Variants in AGBL4 observed in about 807,000 individuals in gnomAD.
AGBL4 encodes the protein AGBL carboxypeptidase 4.
A neutral mutation model predicts 66.4 loss-of-function variants in AGBL4; 58 were observed. That is an observed-to-expected ratio of 0.87 (90% CI 0.71 to 1.09). AGBL4 has a LOEUF of 1.09. Among genes scored for constraint, AGBL4 ranks in the 50% least tolerant of loss-of-function variants. The pLI, the probability that AGBL4 is intolerant of heterozygous loss-of-function variation, is 0.00. For synonymous variants in AGBL4, 234 were observed against 222.9 expected, an observed-to-expected ratio of 1.05 and a Z score of -0.44; for missense variants, 579 against 631.0, an observed-to-expected ratio of 0.92 and a Z score of 0.88.
chr1:48,642,029 T>C (rs1446747476), intron 8 of AGBL4, among the ~76,000 whole-genome samples: 2 of 152,110 alleles, frequency 1.3e-5, no homozygotes, highest in Non-Finnish European at 2.9e-5. Flanking sequence ...TCAGGTGCCA[T>C]TTCTGGGTGG....
chr1:49,019,227 G>A (rs1663057731), intron 5 of AGBL4, among the ~76,000 whole-genome samples: 1 of 152,146 alleles, frequency 6.6e-6, no homozygotes, highest in Non-Finnish European at 1.5e-5. Context: ...CGGGTTATAT[G>A]CCATACGAAG....
chr1:49,742,154 A>G (rs1364285598), intron 2 of AGBL4, among the ~76,000 whole-genome samples: 5 of 152,146 alleles, frequency 3.3e-5, no homozygotes, highest in Admixed American at 2.0e-4. Flanking sequence ...AGAAAACCCC[A>G]TTGTCTCAGC....
chr1:48,811,083 A>G (rs1392013286), intron 6 of AGBL4, among the ~76,000 whole-genome samples: 1 of 149,702 alleles, frequency 6.7e-6, no homozygotes, highest in East Asian at 2.0e-4. Context: ...CATGTGGCAC[A>G]GCATTCCTCT....
intron 6 of AGBL4, among the ~76,000 whole-genome samples, chr1:48,734,252 C>T (rs1252830977): frequency 1.3e-5 from 2 of 152,192 alleles, no homozygotes; most frequent in African/African-American, 2.4e-5. Flanking sequence ...AGACCAGAGT[C>T]GGCGGGTGTG....
At chr1:49,491,581 CTG>C (rs1160315671) in intron 3 of AGBL4, among the ~76,000 whole-genome samples, 1 of 151,836 alleles carries the variant, frequency 6.6e-6, no homozygotes, top group African/African-American at 2.4e-5. Flanking sequence ...ACTCAGGAGA[CTG>C]TGGGTATATG....
chr1:49,441,248 C>T (rs1646022761), intron 3 of AGBL4, among the ~76,000 whole-genome samples: 1 of 152,052 alleles, frequency 6.6e-6, no homozygotes, highest in South Asian at 2.1e-4. Flanking sequence ...ATCTGGAGAA[C>T]AGGCATGGGA....
intron 3 of AGBL4, among the ~76,000 whole-genome samples, chr1:49,517,486 G>A (rs924064864): frequency 2.6e-5 from 4 of 151,926 alleles, no homozygotes; most frequent in Non-Finnish European, 4.4e-5. Flanking sequence ...TTCAGTGACA[G>A]AAGAATGAGG....
intron 3 of AGBL4, among the ~76,000 whole-genome samples, chr1:49,667,365 G>T (rs1378538339): frequency 6.6e-6 from 1 of 152,088 alleles, no homozygotes; most frequent in Non-Finnish European, 1.5e-5. Flanking sequence ...GGCTGAGGTG[G>T]GAGGATCACC....
chr1:49,069,034 G>A (rs1370779555), intron 4 of AGBL4, among the ~76,000 whole-genome samples: 3 of 152,136 alleles, frequency 2.0e-5, no homozygotes, highest in African/African-American at 7.2e-5. Flanking sequence ...GTCTTCTTTT[G>A]AGAAGTGTCT....
chr1:49,389,422 A>G (rs1644802059), intron 3 of AGBL4, among the ~76,000 whole-genome samples: 1 of 152,122 alleles, frequency 6.6e-6, no homozygotes, highest in Admixed American at 6.6e-5. Flanking sequence ...CCTGAAAACT[A>G]AGTACTATTA....
intron 3 of AGBL4, among the ~76,000 whole-genome samples, chr1:49,309,225 A>G (rs1644902045): frequency 6.6e-6 from 1 of 152,078 alleles, no homozygotes; most frequent in African/African-American, 2.4e-5. Context: ...ACACTGTTCT[A>G]CTGTTGATGG....
chr1:49,184,627 C>T (rs548607744), intron 4 of AGBL4, among the ~76,000 whole-genome samples: 1 of 152,300 alleles, frequency 6.6e-6, no homozygotes, highest in African/African-American at 2.4e-5. Flanking sequence ...AAGTCAGGTG[C>T]CATTGCTATG....
At chr1:49,377,709 C>T (rs1426540675) in intron 3 of AGBL4, among the ~76,000 whole-genome samples, 1 of 151,980 alleles carries the variant, frequency 6.6e-6, no homozygotes, top group African/African-American at 2.4e-5. Context: ...TTCCTGAGCC[C>T]CAAATACTAA....
intron 9 of AGBL4, among the ~76,000 whole-genome samples, chr1:48,630,134 A>G (rs1050364063): frequency 6.6e-6 from 1 of 152,178 alleles, no homozygotes; most frequent in African/African-American, 2.4e-5. Flanking sequence ...AGAATGAAAC[A>G]CTATGTCTCA....
chr1:49,157,964 T>C (rs906294361), intron 4 of AGBL4, among the ~76,000 whole-genome samples: 2 of 152,190 alleles, frequency 1.3e-5, no homozygotes, highest in African/African-American at 4.8e-5. Flanking sequence ...AAGTTCTTTG[T>C]AGATTCTGGA....
chr1:49,588,536 G>A (rs1295335212), intron 3 of AGBL4, among the ~76,000 whole-genome samples: 1 of 152,154 alleles, frequency 6.6e-6, no homozygotes, highest in Non-Finnish European at 1.5e-5. Flanking sequence ...CTACATTCTG[G>A]AAGCAATACT....
chr1:48,910,657 C>T lies in AGBL4; in HGVS notation c.595-43427G>A, dbSNP rs540865076. ...TGACAGTTCTGACAGGCTTTTTTTT[C>T]TTTTCCCTTCAGTAAACTGCCCGTG... On this transcript the variant is annotated intron_variant, in intron 5 of 13. Coordinates refer to ENST00000371839, the MANE Select transcript of AGBL4 (RefSeq NM_032785.4). 6.8e-3 allele frequency among the ~76,000 whole-genome samples: 775 copies of T among 114,726 alleles called. 9 individuals are homozygous for T. Among genetic ancestry groups the T allele is most frequent in the African/African-American group, 0.037 (700 of 18,768 alleles). 75.3% of individuals were successfully genotyped at this position (114,726 alleles called of 152,430 possible). A position where few individuals can be genotyped will look rare whatever the true frequency, so the allele number is the denominator to read the frequency against.
intron 4 of AGBL4, among the ~76,000 whole-genome samples, chr1:49,104,003 C>T (rs75348206): frequency 1.3e-5 from 2 of 152,124 alleles, no homozygotes; most frequent in Non-Finnish European, 2.9e-5. Context: ...GCCATTCCAC[C>T]GACTCATGTT....
chr1:49,342,605 G>T (rs1645562830), intron 3 of AGBL4, among the ~76,000 whole-genome samples: 1 of 152,174 alleles, frequency 6.6e-6, no homozygotes, highest in Non-Finnish European at 1.5e-5. Flanking sequence ...AAAAGCTTTT[G>T]AAAGGCTTCT....
Sources: allele counts gnomAD v4.1 joint callset (sites outside exome capture counted in the v4.1 genomes callset), GRCh38; gene constraint gnomAD v4.1.1; transcripts MANE v1.5; gene names NCBI Gene and HGNC (gene_info 2026-07-23, HGNC 2026-07-21).